The following CBFA2T3 variants were observed in gnomAD, a reference collection of about 807,000 sequenced individuals.
CBFA2T3 encodes transcriptional corepressor CBFA2T3.
CBFA2T3 carries 31 observed loss-of-function variants against 58.6 expected under a neutral mutation model. The observed-to-expected ratio is 0.53, with a 90% confidence interval of 0.40 to 0.71. CBFA2T3 has a LOEUF of 0.71. CBFA2T3 is among the 30% of genes least tolerant of loss of function. The pLI is 0.00. For missense variants in CBFA2T3, 1,076 were observed against 963.1 expected, an observed-to-expected ratio of 1.12 and a Z score of -1.55; for synonymous variants, 531 against 421.9, an observed-to-expected ratio of 1.26 and a Z score of -3.17.
chr16:88,879,146 C>A, intron 11 of CBFA2T3, 124 bp downstream of exon 11: 1 of 818,348 alleles, frequency 1.2e-6, no homozygotes, highest in Non-Finnish European at 2.0e-6. Context: ...GGCGTGCCTG[C>A]TGCAGGATGC....
rs578029383 is a variant in CBFA2T3 at position 88,893,930 on chromosome 16, C to A, written c.380-1445G>T. ...AAGGCAGGTCAGAGGTCACAGGGCT[C>A]CCAAGTCCCTTGCTGACAGGGGAGG... On this transcript the variant is annotated intron_variant, in intron 3 of 11. Coordinates refer to ENST00000268679, the MANE Select transcript of CBFA2T3 (RefSeq NM_005187.6). 2.0e-5 allele frequency among the ~76,000 whole-genome samples: 3 copies of A among 152,288 alleles called. No homozygotes were observed. The East Asian group carries it at 5.8e-4, about 29-fold the overall frequency.
intron 1 of CBFA2T3, chr16:88,950,488 G>T (rs754308573): frequency 1.0e-5 from 4 of 396,480 alleles, no homozygotes; most frequent in South Asian, 5.1e-5. Context: ...GACCGGCACC[G>T]CCACAGAGGG....
In CBFA2T3 at chr16:88,929,367, T is replaced by C. The variant is rs568289445; in HGVS notation, c.152-27711A>G. On this transcript the variant is annotated intron_variant, in intron 1 of 11. Transcript: ENST00000268679. Reference sequence around the variant, plus strand: ...CCCACGGGCCTGCGGGAGGACCCGGTGACAGCAAGGCCAAGCCCCCTGCCC... The same window carrying C: ...CCCACGGGCCTGCGGGAGGACCCGGCGACAGCAAGGCCAAGCCCCCTGCCC... 2.6e-5 allele frequency among the ~76,000 whole-genome samples: 4 copies of C among 152,292 alleles called. No homozygotes were observed. In the East Asian group the frequency reaches 7.7e-4, roughly 29 times the overall value.
At chr16:88,906,826 T>C (rs1206314789) in intron 1 of CBFA2T3, among the ~76,000 whole-genome samples, 1 of 152,128 alleles carries the variant, frequency 6.6e-6, no homozygotes, top group Non-Finnish European at 1.5e-5. Flanking sequence ...CCCCAGGAGA[T>C]TAAACGGTCC....
chr16:88,922,317 A>G (rs983000280), intron 1 of CBFA2T3, among the ~76,000 whole-genome samples: 2 of 152,242 alleles, frequency 1.3e-5, no homozygotes, highest in South Asian at 2.1e-4. Context: ...TAGCCAGAGT[A>G]AAAGTCCTGT....
rs945993275 is a variant in CBFA2T3, at chr16:88,905,689, G to A, written c.152-4033C>T. Among the ~76,000 whole-genome samples the A allele has an allele frequency of 2.8e-5, 4 of 144,166 alleles. No individual in the cohort carries two copies. In the South Asian group the frequency reaches 9.0e-4, roughly 32 times the overall value. The allele number at this position is 144,166 out of a possible 152,430, so 94.6% of individuals were successfully genotyped here. ...GGGAGGTGGGGCTGAAGGAGGGGCG[G>A]GGCTGAAGGAGGGGCGGGGCTGGAG... On this transcript the variant is annotated intron_variant, in intron 1 of 11. Coordinates refer to ENST00000268679, the MANE Select transcript of CBFA2T3 (RefSeq NM_005187.6).
chr16:88,971,192 C>T (rs1014269776), intron 1 of CBFA2T3, among the ~76,000 whole-genome samples: 4 of 152,132 alleles, frequency 2.6e-5, no homozygotes, highest in African/African-American at 9.7e-5. Flanking sequence ...TCACTGCAAC[C>T]TCTGCCTCCT....
At chr16:88,966,473 C>G (rs1972506317) in intron 1 of CBFA2T3, among the ~76,000 whole-genome samples, 1 of 120,000 alleles carries the variant, frequency 8.3e-6, no homozygotes, top group Admixed American at 7.6e-5. Context: ...CTCATCCCAC[C>G]TGGGGTGACC....
Position 88,953,684 on chromosome 16 carries a change from T to G in CBFA2T3, c.151+22973A>C, listed in dbSNP as rs1972137918. On this transcript the variant is annotated intron_variant, in intron 1 of 11. Transcript: ENST00000268679. The surrounding 1 kb of genome is among the most constrained non-coding windows in gnomAD (Gnocchi z 4.9). The stretch of plus-strand genomic sequence containing the variant: ...TGTGGCTTGGATGCCAAAGCGCCTT[T>G]TGCTGTATTCGGCACCCTGAGACCC... Among the ~76,000 whole-genome samples the G allele has an allele frequency of 6.6e-6, 1 of 152,182 alleles. No homozygotes were observed. Among genetic ancestry groups the G allele is most frequent in the African/African-American group, 2.4e-5 (1 of 41,438 alleles).
chr16:88,934,962 G>C (rs527844496), intron 1 of CBFA2T3, among the ~76,000 whole-genome samples: 14 of 152,116 alleles, frequency 9.2e-5, no homozygotes, highest in African/African-American at 2.2e-4. Context: ...GGATGGTCTC[G>C]ATCTCCTGAC....
intron 5 of CBFA2T3, 39 bp from the exon 6 acceptor site, chr16:88,886,181 G>C (rs1401186381): frequency 3.6e-5 from 52 of 1,451,620 alleles, no homozygotes; most frequent in Non-Finnish European, 4.2e-5. Context: ...AGCATGCAGG[G>C]GTGCACAGCC....
intron 1 of CBFA2T3, among the ~76,000 whole-genome samples, chr16:88,975,076 G>T (rs1223666383): frequency 9.5e-6 from 1 of 105,166 alleles, no homozygotes. Context: ...GGGCTCCCTG[G>T]GGGTGGGCAC....
chr16:88,974,750 A>ACCC (rs942660412), intron 1 of CBFA2T3, among the ~76,000 whole-genome samples: 1 of 151,092 alleles, frequency 6.6e-6, no homozygotes, highest in Non-Finnish European at 1.5e-5. Flanking sequence ...TCTGTCCAGG[A>ACCC]CCCCCCGCAG....
At chr16:88,878,138 C>G (rs1168079715) in intron 11 of CBFA2T3, among the ~76,000 whole-genome samples, 1 of 152,268 alleles carries the variant, frequency 6.6e-6, no homozygotes, top group Non-Finnish European at 1.5e-5. Flanking sequence ...CTCCCGGCAT[C>G]TGCTCAGGTG....
chr16:88,893,801 G>A (rs551194520), intron 3 of CBFA2T3, among the ~76,000 whole-genome samples: 6 of 152,322 alleles, frequency 3.9e-5, no homozygotes, highest in Non-Finnish European at 7.4e-5. Context: ...ACAGAGCTAA[G>A]GCCAAGCCTC....
At chr16:88,924,202 T>A (rs538831782) in intron 1 of CBFA2T3, among the ~76,000 whole-genome samples, 69 of 152,180 alleles carry the variant, frequency 4.5e-4, no homozygotes, top group African/African-American at 1.5e-3. Context: ...CTGGGCTGAG[T>A]CCCAGTGAGC....
Position 88,885,032 on chromosome 16 carries a change from A to T in CBFA2T3, c.1117+14T>A. On this transcript the variant is annotated intron_variant, in intron 7 of 11. Transcript: ENST00000268679. This position sits in a 1 kb window ranked among gnomAD's most constrained non-coding sequence, Gnocchi z 5.3. ...TAACACGCGTCCACGCTCCCGCCCC[A>T]CCGGGCTGCTCACCAAGCGGCCGAT... 6.3e-7 allele frequency: 1 copy of T among 1,581,454 alleles called. No homozygotes were observed. Among genetic ancestry groups the T allele is most frequent in the Non-Finnish European group, 8.6e-7 (1 of 1,166,592 alleles).
intron 1 of CBFA2T3, among the ~76,000 whole-genome samples, chr16:88,902,718 G>A (rs1462948375): frequency 2.0e-5 from 3 of 152,238 alleles, no homozygotes; most frequent in Non-Finnish European, 4.4e-5. Flanking sequence ...GTCAGCCAGT[G>A]CCAAAGCAAG....
intron 1 of CBFA2T3, among the ~76,000 whole-genome samples, chr16:88,903,067 C>T (rs1207456113): frequency 6.6e-6 from 1 of 152,210 alleles, no homozygotes; most frequent in Non-Finnish European, 1.5e-5. Context: ...TGTTATTAGT[C>T]AACTGTGGGC....
Sources: gnomAD v4.1 joint callset for allele counts (sites outside exome capture counted in the v4.1 genomes callset) on GRCh38, gnomAD v4.1.1 for gene constraint, Gnocchi (gnomAD v3.1) non-coding constraint, MANE v1.5 for transcripts, NCBI Gene and HGNC (gene_info 2026-07-23, HGNC 2026-07-21) for gene names.